Variants in MRM1 observed in about 807,000 individuals in gnomAD.
MRM1 encodes rRNA methyltransferase 1, mitochondrial.
Under a neutral mutation model 25.0 loss-of-function variants are expected in MRM1, and 24 were observed. The ratio of observed to expected loss-of-function variants is 0.96; its 90% confidence interval spans 0.69 to 1.35. The LOEUF (loss-of-function observed/expected upper bound fraction) is 1.35. MRM1 is among the 40% of genes most tolerant of loss of function. The pLI is 0.00. For synonymous variants in MRM1, 188 were observed against 199.2 expected (o/e 0.94, Z 0.47); for missense variants, 431 against 464.1 (o/e 0.93, Z 0.65).
the MRM1 span, among the ~76,000 whole-genome samples, chr17:36,631,871 AG>A: frequency 6.6e-6 from 1 of 152,188 alleles, no homozygotes; most frequent in African/African-American, 2.4e-5. Flanking sequence ...GGGCTGGGCA[AG>A]GTTGTCTGCA....
At chr17:36,616,304 T>C in the MRM1 span, among the ~76,000 whole-genome samples, 6 of 152,282 alleles carry the variant, frequency 3.9e-5, no homozygotes, top group East Asian at 1.9e-4. Flanking sequence ...CAGCCGGCCT[T>C]GACCTTCCAC....
intron 2 of MRM1, among the ~76,000 whole-genome samples, chr17:36,603,688 C>T (rs915359631): frequency 6.6e-6 from 1 of 152,092 alleles, no homozygotes; most frequent in African/African-American, 2.4e-5. Context: ...CATGAGCCAC[C>T]GCACCTGGCC....
intron 2 of MRM1, among the ~76,000 whole-genome samples, chr17:36,606,525 G>C (rs1481812342): frequency 3.3e-5 from 5 of 150,936 alleles, no homozygotes; most frequent in African/African-American, 9.7e-5. Flanking sequence ...AGAGATCCTC[G>C]TGTCTCCTGA....
At position 36,602,157 on chromosome 17, in the gene MRM1, A is replaced by G; in HGVS notation, c.347A>G (p.His116Arg). ...KLDTMCRYQV[H>R]QGVCMEVSPL... ...GACACAATGTGCCGCTACCAGGTCC[A>G]CCAGGGTGTCTGCATGGAGGTGAGC... The change falls in exon 1 of 5, where the codon CAC becomes CGC. Residue 116 changes from histidine to arginine, a missense_variant. By Grantham distance (29) the His-to-Arg change is conservative. Coordinates refer to ENST00000614766, the MANE Select transcript of MRM1 (RefSeq NM_024864.5). The surrounding 1 kb of genome is among the most constrained non-coding windows in gnomAD (Gnocchi z 4.1). The G allele has an allele frequency of 1.2e-6, 2 of 1,613,112 alleles. No individual in the cohort carries two copies.
the MRM1 span, among the ~76,000 whole-genome samples, chr17:36,622,046 T>C: frequency 6.6e-6 from 1 of 152,096 alleles, no homozygotes. Flanking sequence ...GGGCTGGGCT[T>C]GCAGTTGAAC....
chr17:36,608,477 C>T lies in MRM1; in HGVS notation c.*62C>T, dbSNP rs2074951548. 1 of 1,334,582 alleles carries T rather than the reference C, an allele frequency of 7.5e-7. No homozygotes were observed. Among genetic ancestry groups the T allele is most frequent in the Non-Finnish European group, 9.9e-7 (1 of 1,006,680 alleles). 82.7% of individuals were successfully genotyped at this position (1,334,582 alleles called of 1,614,324 possible). On this transcript the variant is annotated 3_prime_UTR_variant, in exon 5 of 5. Transcript: ENST00000614766. Reference sequence around the variant, plus strand: ...GGACGGCCGCACCTGCCTCCGCCGGCTCCAGTGTGCGGGGAGCCTCTGCCT... The same window carrying T: ...GGACGGCCGCACCTGCCTCCGCCGGTTCCAGTGTGCGGGGAGCCTCTGCCT...
chr17:36,633,126 T>C, the MRM1 span, among the ~76,000 whole-genome samples: 11 of 152,326 alleles, frequency 7.2e-5, no homozygotes, highest in Admixed American at 6.5e-4. Context: ...TTGCCTCCTT[T>C]CTCCTTCACC....
chr17:36,609,953 TCTCA>T (rs1450620342), downstream of MRM1, among the ~76,000 whole-genome samples: 2 of 152,184 alleles, frequency 1.3e-5, no homozygotes, highest in African/African-American at 2.4e-5. Context: ...TGAGACAGGG[TCTCA>T]CTCTGTCGCT....
At chr17:36,606,305 C>A (rs1398093724) in intron 2 of MRM1, among the ~76,000 whole-genome samples, 1 of 152,204 alleles carries the variant, frequency 6.6e-6, no homozygotes. Flanking sequence ...GTGCCTAGAA[C>A]AGAGCCCATG....
chr17:36,611,265 T>C (rs919947806), downstream of MRM1, among the ~76,000 whole-genome samples: 2 of 152,202 alleles, frequency 1.3e-5, no homozygotes, highest in Non-Finnish European at 2.9e-5. Context: ...AGGGTGAGCT[T>C]TCATCTGTCC....
chr17:36,629,359 G>A, the MRM1 span, among the ~76,000 whole-genome samples: 7 of 152,148 alleles, frequency 4.6e-5, no homozygotes, highest in Admixed American at 1.3e-4. Flanking sequence ...GTCTGAGGGC[G>A]TCTCCCCTTC....
chr17:36,622,215 A>G, the MRM1 span, among the ~76,000 whole-genome samples: 18 of 152,222 alleles, frequency 1.2e-4, no homozygotes, highest in African/African-American at 4.1e-4. Context: ...TCCTGTCCCT[A>G]TGGAAATGGG....
At chr17:36,626,278 T>A in the MRM1 span, among the ~76,000 whole-genome samples, 63,499 of 152,050 alleles carry the variant, frequency 0.42, 14,825 homozygotes, top group African/African-American at 0.63. Context: ...TTGGGTGAAA[T>A]GACAGAGCCA....
the MRM1 span, among the ~76,000 whole-genome samples, chr17:36,614,062 C>G: frequency 6.6e-6 from 1 of 151,720 alleles, no homozygotes; most frequent in African/African-American, 2.4e-5. Context: ...TAAATGTGAG[C>G]TTTTCAATGC....
intron 2 of MRM1, among the ~76,000 whole-genome samples, chr17:36,606,369 T>A (rs2142838709): frequency 6.6e-6 from 1 of 152,104 alleles, no homozygotes; most frequent in South Asian, 2.1e-4. Flanking sequence ...TAAATGAATG[T>A]ATGGGCAAGG....
chr17:36,632,588 G>T, the MRM1 span, among the ~76,000 whole-genome samples: 2 of 150,532 alleles, frequency 1.3e-5, no homozygotes, highest in Non-Finnish European at 3.0e-5. Context: ...GAGGATTTGG[G>T]CAATTTTGTG....
downstream of MRM1, among the ~76,000 whole-genome samples, chr17:36,611,036 A>G (rs2074974033): frequency 6.6e-6 from 1 of 152,118 alleles, no homozygotes; most frequent in Non-Finnish European, 1.5e-5. Context: ...CTGGTCTCAA[A>G]TTCCCTGACC....
chr17:36,607,735 G>A lies in MRM1; in HGVS notation c.702G>A (p.Gln234=), dbSNP rs775069672. The change falls in exon 3 of 5, where the codon CAG becomes CAA. Residue 234 remains glutamine, a synonymous_variant. Transcript: ENST00000614766. The part of the protein sequence containing the change: ...TVGCPSTEDP[Q]SSEIPIMSCL... Reference sequence around the variant, plus strand: ...GCTGCCCAAGCACAGAGGATCCCCAGTCCTCCGAGATCCCCATCATGAGTT... The same window carrying A: ...GCTGCCCAAGCACAGAGGATCCCCAATCCTCCGAGATCCCCATCATGAGTT... The A allele has an allele frequency of 1.4e-5, 22 of 1,614,194 alleles. No homozygotes were observed. Among genetic ancestry groups the A allele is most frequent in the Non-Finnish European group, 1.9e-5 (22 of 1,180,034 alleles).
chr17:36,615,067 C>T, the MRM1 span, among the ~76,000 whole-genome samples: 1 of 152,200 alleles, frequency 6.6e-6, no homozygotes, highest in Non-Finnish European at 1.5e-5. Flanking sequence ...ACCTCAGGCT[C>T]TGCAAAGGCT....
Sources: gnomAD v4.1 joint callset for allele counts (sites outside exome capture counted in the v4.1 genomes callset) on GRCh38, gnomAD v4.1.1 for gene constraint, Gnocchi (gnomAD v3.1) non-coding constraint, MANE v1.5 for transcripts, NCBI Gene and HGNC (gene_info 2026-07-23, HGNC 2026-07-21) for gene names.